MACF1: variants seen among roughly 807,000 people sequenced by gnomAD.
The protein encoded by MACF1 is microtubule-actin cross-linking factor 1.
Under a neutral mutation model 854.8 loss-of-function variants are expected in MACF1, and 193 were observed. The ratio of observed to expected loss-of-function variants is 0.23; its 90% CI spans 0.20 to 0.25. The LOEUF is 0.25. Among genes scored for constraint, MACF1 ranks in the 10% least tolerant of loss-of-function variants. The pLI is 1.00. For missense variants in MACF1, 7,722 were observed against 8,929.1 expected, an observed-to-expected ratio of 0.86 and a Z score of 5.45; for synonymous variants, 3,185 against 3,226.7, an observed-to-expected ratio of 0.99 and a Z score of 0.44.
chr1:39,396,466 G>T (rs879906666), intron 58 of MACF1, among the ~76,000 whole-genome samples: 12 of 152,082 alleles, frequency 7.9e-5, no homozygotes, highest in African/African-American at 1.2e-4. Flanking sequence ...TAAGAAGGAA[G>T]AAATATATTT....
chr1:39,284,320 A>G lies in MACF1; in HGVS notation c.1036-13A>G. On this transcript the variant is annotated splice_polypyrimidine_tract_variant and intron_variant, in intron 10 of 100. Coordinates refer to ENST00000564288, the MANE Select transcript of MACF1 (RefSeq NM_001394062.1). ...GTTTGTGTCCATTTATTCACCAAATATTAATTTTATAGGCACTTTATAACC... is the reference window on the plus strand; with the variant it reads ...GTTTGTGTCCATTTATTCACCAAATGTTAATTTTATAGGCACTTTATAACC... 1.3e-6 allele frequency: 2 copies of G among 1,572,292 alleles called. No homozygotes were observed. Among genetic ancestry groups the G allele is most frequent in the African/African-American group, 1.4e-5 (1 of 72,812 alleles).
intron 58 of MACF1, among the ~76,000 whole-genome samples, chr1:39,393,115 G>A (rs1029804121): frequency 6.7e-6 from 1 of 149,326 alleles, no homozygotes; most frequent in East Asian, 2.0e-4. Flanking sequence ...AACAAGAAAG[G>A]AAGGACGTTT....
intron 26 of MACF1, among the ~76,000 whole-genome samples, chr1:39,312,072 T>C (rs1646311838): frequency 1.3e-5 from 2 of 152,104 alleles, no homozygotes; most frequent in African/African-American, 4.8e-5. Flanking sequence ...TATTTGTCCC[T>C]GAAAAATAGA....
At chr1:39,101,416 A>G (rs1202923468) in intron 2 of MACF1, among the ~76,000 whole-genome samples, 1 of 150,642 alleles carries the variant, frequency 6.6e-6, no homozygotes, top group African/African-American at 2.4e-5. Flanking sequence ...ATTTTTAGAG[A>G]CCGAATTTTG....
intron 2 of MACF1, among the ~76,000 whole-genome samples, chr1:39,085,866 G>C (rs955390772): frequency 1.3e-5 from 2 of 152,098 alleles, no homozygotes; most frequent in Admixed American, 1.3e-4. Flanking sequence ...CCCCCAGAGG[G>C]ATGCATCTTG....
At position 39,332,788 on chromosome 1, in the gene MACF1, T is replaced by G; in HGVS notation, c.6200T>G (p.Val2067Gly). ...CTTEKGKKTT[V>G]ETEDSSVENP... is the part of the protein sequence containing the mutation. ...ACAGAAAAAGGCAAAAAGACCACTGTAGAAACAGAAGATTCTTCTGTAGAG... is the reference window on the plus strand; with the variant it reads ...ACAGAAAAAGGCAAAAAGACCACTGGAGAAACAGAAGATTCTTCTGTAGAG... Residue 2067 changes from valine (V) to glycine (G), a missense_variant, in exon 37 of 101, where the codon GTA becomes GGA. By Grantham distance (109) the Val-to-Gly change is moderately radical. This residue lies in a region of MACF1 where 1,531 missense variants were observed against 1,601.6 expected (regional missense o/e 0.96). Transcript: ENST00000564288. The G allele has an allele frequency of 6.2e-7, 1 of 1,614,156 alleles. No individual in the cohort carries two copies.
chr1:39,390,372 C>T (rs1557626349), intron 58 of MACF1, among the ~76,000 whole-genome samples: 1 of 152,204 alleles, frequency 6.6e-6, no homozygotes, highest in Admixed American at 6.5e-5. Flanking sequence ...GTTTTGTAGA[C>T]AGGATCCAAG....
At chr1:39,410,339 A>T in intron 58 of MACF1, 1 of 1,613,698 alleles carries the variant, frequency 6.2e-7, no homozygotes, top group Non-Finnish European at 8.5e-7. Flanking sequence ...GAGGAGGAGG[A>T]TGGCTACATA....
At chr1:39,270,433 T>C (rs2148358236) in intron 6 of MACF1, among the ~76,000 whole-genome samples, 1 of 152,284 alleles carries the variant, frequency 6.6e-6, no homozygotes, top group Non-Finnish European at 1.5e-5. Flanking sequence ...GATTTTGTTT[T>C]GAGGAATATA....
Position 39,388,456 on chromosome 1 carries a change from T to A in MACF1, c.15614T>A (p.Leu5205Gln), listed in dbSNP as rs760893630. Residue 5205 changes from leucine (L) to glutamine (Q), a missense_variant, in exon 58 of 101, where the codon CTG becomes CAG. By Grantham distance (113) the Leu-to-Gln change is moderately radical. Coordinates refer to ENST00000564288, the MANE Select transcript of MACF1 (RefSeq NM_001394062.1). ...LLGLKRELEA[L>Q]NKQCGKLTER... Reference sequence around the variant, plus strand: ...GGTCTCAAAAGGGAGCTAGAAGCCCTGAACAAACAGTGTGGCAAACTGACA... The same window carrying A: ...GGTCTCAAAAGGGAGCTAGAAGCCCAGAACAAACAGTGTGGCAAACTGACA... 4.3e-6 allele frequency: 7 copies of A among 1,614,070 alleles called. No homozygotes were observed. Among genetic ancestry groups the A allele is most frequent in the Non-Finnish European group, 5.9e-6 (7 of 1,180,000 alleles).
chr1:39,437,670 G>A (rs12065051), intron 70 of MACF1, 107 bp from the exon 71 acceptor site: 1 of 952,632 alleles, frequency 1.0e-6, no homozygotes, highest in Non-Finnish European at 1.7e-6. Context: ...ACTGAGCACA[G>A]GTTATCCTAA....
At chr1:39,260,196 TG>T (rs1645145583) in intron 6 of MACF1, among the ~76,000 whole-genome samples, 1 of 152,150 alleles carries the variant, frequency 6.6e-6, no homozygotes, top group Non-Finnish European at 1.5e-5. Context: ...ATGACCACAG[TG>T]GTCTTTGATA....
intron 36 of MACF1, among the ~76,000 whole-genome samples, chr1:39,327,651 T>TA (rs1646641167): frequency 6.6e-6 from 1 of 152,232 alleles, no homozygotes; most frequent in Non-Finnish European, 1.5e-5. Context: ...GTATTATATG[T>TA]GATCACAGGG....
At chr1:39,322,526 C>A in intron 31 of MACF1, 82 bp from the exon 32 acceptor site, 1 of 1,227,132 alleles carries the variant, frequency 8.1e-7, no homozygotes, top group Non-Finnish European at 1.2e-6. Context: ...ACGCTTCCAG[C>A]AATAAAAAGC....
upstream of MACF1, chr1:39,204,344 C>T (rs1262589839): frequency 6.6e-6 from 1 of 152,264 alleles, no homozygotes; most frequent in Non-Finnish European, 1.5e-5. Context: ...CGCTGATCTT[C>T]ATCACACCTA....
chr1:39,289,025 C>T (rs539750924), intron 15 of MACF1, among the ~76,000 whole-genome samples: 40 of 152,314 alleles, frequency 2.6e-4, no homozygotes, highest in Non-Finnish European at 4.9e-4. Context: ...TTTCACTTAA[C>T]ATAATAACCT....
intron 92 of MACF1, among the ~76,000 whole-genome samples, chr1:39,461,359 A>G (rs1644548559): frequency 6.6e-6 from 1 of 152,082 alleles, no homozygotes; most frequent in East Asian, 1.9e-4. Context: ...GGTGGTTGTA[A>G]TATTATGTTT....
intron 100 of MACF1, chr1:39,484,964 C>T (rs1223102075): frequency 3.4e-6 from 2 of 583,384 alleles, no homozygotes; most frequent in African/African-American, 3.7e-5. Context: ...GCCATGCGTT[C>T]TCATCAGAAA....
At chr1:39,198,829 G>T (rs182032900) in intron 2 of MACF1, among the ~76,000 whole-genome samples, 1 of 151,752 alleles carries the variant, frequency 6.6e-6, no homozygotes, top group Admixed American at 6.6e-5. Flanking sequence ...TCTCAAGAAA[G>T]AAATAAAAGG....
Sources: gnomAD v4.1 joint callset for allele counts (sites outside exome capture counted in the v4.1 genomes callset) on GRCh38, gnomAD v4.1.1 for gene constraint, gnomAD v4.1.1 regional missense constraint, MANE v1.5 for transcripts, NCBI Gene and HGNC (gene_info 2026-07-23, HGNC 2026-07-21) for gene names.